RANBP17: variants seen among roughly 807,000 people sequenced by gnomAD.
The protein encoded by RANBP17 is ran-binding protein 17.
In RANBP17, 158 loss-of-function variants were observed where a neutral mutation model predicts 141.2. The ratio of observed to expected loss-of-function variants is 1.12; its 90% CI spans 0.98 to 1.28. RANBP17 has a LOEUF of 1.28. Among genes scored for constraint, RANBP17 ranks in the 50% most tolerant of loss-of-function variants. RANBP17 has a pLI of 0.00. For synonymous variants in RANBP17, 430 were observed against 450.0 expected (o/e 0.96, Z 0.56); for missense variants, 1,438 against 1,290.7 (o/e 1.11, Z -1.75).
chr5:171,143,099 C>T (rs1462481126), intron 14 of RANBP17, among the ~76,000 whole-genome samples: 1 of 152,170 alleles, frequency 6.6e-6, no homozygotes, highest in African/African-American at 2.4e-5. Flanking sequence ...ATAAACAGCT[C>T]CATGATCACT....
intron 14 of RANBP17, among the ~76,000 whole-genome samples, chr5:171,016,588 G>T (rs1204765452): frequency 6.6e-6 from 1 of 151,876 alleles, no homozygotes; most frequent in Non-Finnish European, 1.5e-5. Context: ...CAATGTGCAG[G>T]TTTTTTACAT....
At chr5:171,287,744 TG>T (rs1342835469) in intron 25 of RANBP17, among the ~76,000 whole-genome samples, 4 of 152,110 alleles carry the variant, frequency 2.6e-5, no homozygotes, top group Non-Finnish European at 4.4e-5. Context: ...TTTTGTTTTT[TG>T]AGATGGAGTC....
chr5:171,023,798 T>C (rs887524149), intron 14 of RANBP17, among the ~76,000 whole-genome samples: 4 of 152,190 alleles, frequency 2.6e-5, no homozygotes, highest in African/African-American at 4.8e-5. Context: ...CAGTGAAATT[T>C]CTGTACTTTA....
At chr5:170,943,886 C>A (rs1389282696) in intron 12 of RANBP17, among the ~76,000 whole-genome samples, 1 of 152,112 alleles carries the variant, frequency 6.6e-6, no homozygotes, top group Non-Finnish European at 1.5e-5. Context: ...GTGGTAAGAG[C>A]ACTTAAAATC....
intron 12 of RANBP17, among the ~76,000 whole-genome samples, chr5:170,928,339 G>C (rs992965430): frequency 1.3e-5 from 2 of 152,076 alleles, no homozygotes; most frequent in Admixed American, 6.5e-5. Context: ...AAGGTGAAAA[G>C]TTTTTAATTT....
Position 170,966,495 on chromosome 5 carries a change from C to T in RANBP17, c.1575-1747C>T, listed in dbSNP as rs560346189. ...AAGACCTTTGACAAAATTCAACAAC[C>T]CTTCAAGCTAAAAACTCTCAATAAA... On this transcript the variant is annotated intron_variant, in intron 13 of 27. Coordinates refer to ENST00000523189, the MANE Select transcript of RANBP17 (RefSeq NM_022897.5). Among the ~76,000 whole-genome samples, 616 of 152,224 alleles carry T rather than the reference C, an allele frequency of 4.0e-3. 5 individuals carry two copies. The highest frequency in any genetic ancestry group is 0.014 in the African/African-American group (594 of 41,532).
chr5:171,244,264 G>A (rs1765071996), intron 24 of RANBP17, among the ~76,000 whole-genome samples: 1 of 151,432 alleles, frequency 6.6e-6, no homozygotes, highest in African/African-American at 2.4e-5. Flanking sequence ...GTGGTGGTGT[G>A]CGCCTGTAGT....
Position 171,296,014 on chromosome 5 carries a change from G to A in RANBP17, c.3170G>A (p.Arg1057Lys), listed in dbSNP as rs1212818383. The change falls in exon 27 of 28, where the codon AGG becomes AAG. Residue 1057 changes from arginine to lysine, a missense_variant and splice_region_variant. By Grantham distance (26) the Arg-to-Lys change is conservative (BLOSUM62 2). Transcript: ENST00000523189. Reference sequence around the variant, plus strand: ...AACCTGTCCGTCAAGAACAGAGACAGGTGAGCATTGCCCAGTAGTGTGTCA... The same window carrying A: ...AACCTGTCCGTCAAGAACAGAGACAAGTGAGCATTGCCCAGTAGTGTGTCA... ...EQNLSVKNRD[R>K]FTQNLSVFRR... is the part of the protein sequence containing the mutation. 1 of 1,612,918 alleles carries A rather than the reference G, an allele frequency of 6.2e-7. No individual in the cohort carries two copies. The highest frequency in any genetic ancestry group is 1.3e-5 in the African/African-American group (1 of 74,896).
intron 14 of RANBP17, among the ~76,000 whole-genome samples, chr5:171,020,957 A>C (rs1561995258): frequency 6.6e-6 from 1 of 152,070 alleles, no homozygotes; most frequent in Non-Finnish European, 1.5e-5. Context: ...AGCTCTTGTA[A>C]GGCAGGCCTG....
intron 22 of RANBP17, among the ~76,000 whole-genome samples, chr5:171,225,328 G>C (rs1301313800): frequency 6.6e-6 from 1 of 152,212 alleles, no homozygotes; most frequent in African/African-American, 2.4e-5. Flanking sequence ...CAGTGACTTT[G>C]ACAGTGACTT....
At chr5:171,148,409 AT>A (rs1357813741) in intron 14 of RANBP17, among the ~76,000 whole-genome samples, 2 of 152,120 alleles carry the variant, frequency 1.3e-5, no homozygotes, top group East Asian at 1.9e-4. Flanking sequence ...TAAAAAAAAA[AT>A]TTTTAATCTC....
chr5:171,000,839 A>G (rs1779154685), intron 14 of RANBP17, among the ~76,000 whole-genome samples: 1 of 152,196 alleles, frequency 6.6e-6, no homozygotes, highest in African/African-American at 2.4e-5. Flanking sequence ...AGAATTACAA[A>G]GAACCTTTTT....
rs141814694 is a variant in RANBP17 at position 171,152,144 on chromosome 5, C to T, written c.1711-17986C>T. Among the ~76,000 whole-genome samples the T allele has an allele frequency of 4.2e-3, 635 of 151,972 alleles. 3 individuals are homozygous for T. The highest frequency in any genetic ancestry group is 0.014 in the African/African-American group (600 of 41,452). On this transcript the variant is annotated intron_variant, in intron 14 of 27. Coordinates refer to ENST00000523189, the MANE Select transcript of RANBP17 (RefSeq NM_022897.5). ...GCCCCAGAAGCTGGGCACAGTAGCT[C>T]ACTCACGCCTGTAATCCCAGCACTT...
At chr5:170,876,520 A>G (rs1768193636) in intron 1 of RANBP17, among the ~76,000 whole-genome samples, 1 of 151,818 alleles carries the variant, frequency 6.6e-6, no homozygotes, top group Admixed American at 6.6e-5. Flanking sequence ...TAGGTGGGGG[A>G]GATGTTTAAA....
At chr5:171,101,557 C>T (rs116192827) in intron 14 of RANBP17, among the ~76,000 whole-genome samples, 8,010 of 151,974 alleles carry the variant, frequency 0.053, 268 homozygotes, top group East Asian at 0.12. Context: ...TCCAGTTTTC[C>T]GTCTGTGACT....
At chr5:170,924,957 A>T (rs1434034468) in intron 12 of RANBP17, 2 of 153,158 alleles carry the variant, frequency 1.3e-5, no homozygotes, top group African/African-American at 4.8e-5. Flanking sequence ...AGCCTTCGTT[A>T]TGGCTTTACT....
At chr5:170,893,662 G>A (rs919390309) in intron 4 of RANBP17, among the ~76,000 whole-genome samples, 7 of 152,042 alleles carry the variant, frequency 4.6e-5, no homozygotes, top group East Asian at 1.9e-4. Flanking sequence ...GCGTGGTGGC[G>A]GGCGCCTGTA....
chr5:170,915,641 C>CT (rs1771890260), intron 8 of RANBP17, among the ~76,000 whole-genome samples: 1 of 151,968 alleles, frequency 6.6e-6, no homozygotes, highest in African/African-American at 2.4e-5. Context: ...AAGTACCTAC[C>CT]TTTTCCAGCA....
rs563091547 is a variant in RANBP17 at position 171,255,455 on chromosome 5, G to A, written c.2777-10226G>A. On this transcript the variant is annotated intron_variant, in intron 24 of 27. Transcript: ENST00000523189. The stretch of plus-strand genomic sequence containing the variant: ...CATTAAAAAAAAACATGCAGTAAAA[G>A]CCAAGTTAAATTTCATATTAAAGCA... 1.4e-3 allele frequency among the ~76,000 whole-genome samples: 216 copies of A among 152,034 alleles called. 1 individual carries two copies. Among genetic ancestry groups the A allele is most frequent in the Non-Finnish European group, 2.7e-3 (184 of 67,992 alleles).
Sources: allele counts gnomAD v4.1 joint callset (sites outside exome capture counted in the v4.1 genomes callset), GRCh38; gene constraint gnomAD v4.1.1; transcripts MANE v1.5; gene names NCBI Gene and HGNC (gene_info 2026-07-23, HGNC 2026-07-21).